The following PER1 variants were observed in gnomAD, a reference collection of about 807,000 sequenced individuals.
PER1 encodes the protein period circadian protein homolog 1.
A neutral mutation model predicts 125.9 loss-of-function variants in PER1; 87 were observed. The observed-to-expected ratio is 0.69, with a 90% CI of 0.58 to 0.83. PER1 has a LOEUF of 0.83. Among genes scored for constraint, PER1 ranks in the 40% least tolerant of loss-of-function variants. The pLI is 0.00. For missense variants in PER1, 1,775 were observed against 1,722.8 expected (o/e 1.03, Z -0.54); for synonymous variants, 801 against 714.7 (o/e 1.12, Z -1.93).
At position 8,145,249 on chromosome 17, in the gene PER1, C is replaced by T. The variant is rs1322706103; in HGVS notation, c.2219-256G>A. 1.1e-5 allele frequency: 4 copies of T among 372,150 alleles called. No homozygotes were observed. The East Asian group carries it at 1.5e-4, about 14-fold the overall frequency. The allele number at this position is 372,150 out of a possible 1,614,324, so 23.1% of individuals were successfully genotyped here. A position where few individuals can be genotyped will look rare whatever the true frequency, so the allele number is the denominator to read the frequency against. ...TGGCCACTCCCTGCCAGGAACTCTACTGGGATGACCCCGTCACAACTCTCA... is the reference window on the plus strand; with the variant it reads ...TGGCCACTCCCTGCCAGGAACTCTATTGGGATGACCCCGTCACAACTCTCA... On this transcript the variant is annotated intron_variant, in intron 17 of 22. Coordinates refer to ENST00000317276, the MANE Select transcript of PER1 (RefSeq NM_002616.3).
At position 8,149,327 on chromosome 17, in the gene PER1, A is replaced by G; in HGVS notation, c.854-17T>C. ...GGCCTGAACCTGGGACAGACAGGAG[A>G]GGAGTGAGCACAGCTTCCTGCCCCT... On this transcript the variant is annotated splice_polypyrimidine_tract_variant and intron_variant, in intron 6 of 22. Coordinates refer to ENST00000317276, the MANE Select transcript of PER1 (RefSeq NM_002616.3). 1 of 1,613,682 alleles carries G rather than the reference A, an allele frequency of 6.2e-7. No homozygotes were observed. The highest frequency in any genetic ancestry group is 8.5e-7 in the Non-Finnish European group (1 of 1,179,708).
At chr17:8,143,925 C>T in intron 18 of PER1, 49 bp from the exon 19 acceptor site, 4 of 1,551,918 alleles carry the variant, frequency 2.6e-6, no homozygotes, top group Non-Finnish European at 3.5e-6. Flanking sequence ...GGGGTTAGTA[C>T]CCCTGCTACC....
chr17:8,148,373 G>A (rs966301473), intron 8 of PER1, 114 bp from the exon 9 acceptor site: 3 of 922,626 alleles, frequency 3.3e-6, no homozygotes, highest in Non-Finnish European at 5.1e-6. Context: ...TCTGCCCCGG[G>A]CACTATGGGC....
Position 8,141,900 on chromosome 17 carries a change from G to A in PER1, c.3505C>T (p.Gln1169Ter). The change falls in exon 22 of 23, where the codon CAG (glutamine) becomes TAG (stop). Residue 1169 changes from glutamine to a stop codon, truncating the protein, a stop_gained. Coordinates refer to ENST00000317276, the MANE Select transcript of PER1 (RefSeq NM_002616.3). LOFTEE classifies it high-confidence loss of function. ...TGGTCCTCAGAAAACCGAGGCTGCT[G>A]CTTCTGCATGGCTCGGAGCCGCTCC... is the stretch of plus-strand genomic sequence containing the variant. ...DRERLRAMQK[Q>*]QPRFSEDQRR... The A allele has an allele frequency of 6.2e-7, 1 of 1,614,146 alleles. No individual in the cohort carries two copies. The highest frequency in any genetic ancestry group is 8.5e-7 in the Non-Finnish European group (1 of 1,180,034).
Position 8,149,859 on chromosome 17 carries a change from G to A in PER1, c.547C>T (p.Gln183Ter), listed in dbSNP as rs749068406. The change falls in exon 5 of 23, where the codon CAG (glutamine) becomes TAG (stop). Residue 183 changes from glutamine (Q) to a stop codon, truncating the protein, a stop_gained. Transcript: ENST00000317276. LOFTEE classifies it high-confidence loss of function. ...TCGCCCTCCTCCAGGCTCCACTGCT[G>A]GTAGTATTCCTGGTTGGCTGCAGAG... ...KQVQANQEYY[Q>*]QWSLEEGEPC... The A allele has an allele frequency of 6.2e-7, 1 of 1,614,150 alleles. No homozygotes were observed. The highest frequency in any genetic ancestry group is 8.5e-7 in the Non-Finnish European group (1 of 1,180,034).
chr17:8,144,767 T>C lies in PER1; in HGVS notation c.2445A>G (p.Ser815=). ...GGTGGCTACCTCGCTCGCCAAGGGC[T>C]GAGGGAGCTGTGGAAGAGCTGTCGA... is the stretch of plus-strand genomic sequence containing the variant. The part of the protein sequence containing the change: ...RGLDSSSTAP[S]ALGERGCHHG... The change falls in exon 18 of 23, where the codon TCA becomes TCG. Residue 815 remains serine, a synonymous_variant. Coordinates refer to ENST00000317276, the MANE Select transcript of PER1 (RefSeq NM_002616.3). The C allele has an allele frequency of 1.3e-6, 2 of 1,576,416 alleles. No homozygotes were observed.
At chr17:8,142,163 G>A (rs2151858950) in intron 21 of PER1, 106 bp downstream of exon 21, 1 of 1,125,254 alleles carries the variant, frequency 8.9e-7, no homozygotes, top group Non-Finnish European at 1.3e-6. Flanking sequence ...CAGGAAGAAA[G>A]ATAGAAACGT....
Position 8,149,681 on chromosome 17 carries a change from GCAAGAGCAGATT to G in PER1, c.652-30_652-19del. 1 of 1,610,432 alleles carries G rather than the reference GCAAGAGCAGATT, an allele frequency of 6.2e-7. No homozygotes were observed. The highest frequency in any genetic ancestry group is 8.5e-7 in the Non-Finnish European group (1 of 1,176,984). Reference sequence around the variant, plus strand: ...AAGGTATCCTGGCAGGAGGGGGAGAGCAAGAGCAGATTCAAGAGCTGTGGGAGAAGGAGTAGG... The same window carrying G: ...AAGGTATCCTGGCAGGAGGGGGAGAGCAAGAGCTGTGGGAGAAGGAGTAGG... On this transcript the variant is annotated intron_variant, in intron 5 of 22. Coordinates refer to ENST00000317276, the MANE Select transcript of PER1 (RefSeq NM_002616.3).
Position 8,150,073 on chromosome 17 carries a change from G to A in PER1, c.427C>T (p.Arg143Ter), listed in dbSNP as rs796874467. 2.5e-6 allele frequency: 4 copies of A among 1,614,090 alleles called. No homozygotes were observed. Among genetic ancestry groups the A allele is most frequent in the Non-Finnish European group, 3.4e-6 (4 of 1,180,038 alleles). ...RTQKELMTAL[R>*]ELKLRLPPER... Reference sequence around the variant, plus strand: ...GGCGGCAGTCGAAGCTTGAGCTCTCGAAGTGCTGTCATGAGTTCCTTCTGA... The same window carrying A: ...GGCGGCAGTCGAAGCTTGAGCTCTCAAAGTGCTGTCATGAGTTCCTTCTGA... Residue 143 changes from arginine (R) to a stop codon, truncating the protein, a stop_gained, in exon 4 of 23, where the codon CGA becomes TGA. Transcript: ENST00000317276. LOFTEE classifies it high-confidence loss of function.
In PER1 at chr17:8,147,455, C is replaced by G. The variant is rs885953; in HGVS notation, c.1497+15G>C. ...CCTTTTCTCACCTCCCAGGCTCCCT[C>G]TCCGCTACTCTCACCTGCAGCAGCA... On this transcript the variant is annotated intron_variant, in intron 12 of 22. Transcript: ENST00000317276. The G allele has an allele frequency of 6.2e-7, 1 of 1,613,066 alleles. No homozygotes were observed. The highest frequency in any genetic ancestry group is 2.2e-5 in the East Asian group (1 of 44,854).
Position 8,147,332 on chromosome 17 carries a change from G to T in PER1, c.1547C>A (p.Thr516Lys). The change falls in exon 13 of 23, where the codon ACA (threonine) becomes AAA (lysine). Residue 516 changes from threonine to lysine, a missense_variant. Transcript: ENST00000317276. ...PTGLCGVGAVTSPGPLHSPGS... is the reference protein window; with the variant it reads ...PTGLCGVGAVKSPGPLHSPGS... ...AGGGCTGTGGAGAGGGCCTGGGGAT[G>T]TCACGGCGCCGACTCCACAGAGTCC... 1 of 1,613,668 alleles carries T rather than the reference G, an allele frequency of 6.2e-7. No individual in the cohort carries two copies.
In PER1 at chr17:8,149,850, TC is replaced by T; in HGVS notation, c.555del (p.Trp185Ter). The T allele has an allele frequency of 1.2e-6, 2 of 1,614,080 alleles. No individual in the cohort carries two copies. Among genetic ancestry groups the T allele is most frequent in the Non-Finnish European group, 1.7e-6 (2 of 1,180,022 alleles). On this transcript the variant is annotated frameshift_variant, in exon 5 of 23. Coordinates refer to ENST00000317276, the MANE Select transcript of PER1 (RefSeq NM_002616.3). LOFTEE classifies it high-confidence loss of function. ...VQANQEYYQQ[W>X]SLEEGEPCSM... is the part of the protein sequence containing the mutation. The stretch of plus-strand genomic sequence containing the variant: ...GAGCAAGGCTCGCCCTCCTCCAGGC[TC>T]CACTGCTGGTAGTATTCCTGGTTGG...
In PER1 at chr17:8,143,681, A is replaced by T; in HGVS notation, c.2657T>A (p.Leu886His). ...GCCTCCTCGAGGAGAGAACACTGGG[A>T]GAGGGTAGGGCTGGACAACCGCTGG... ...PFPAVVQPYP[L>H]PVFSPRGGPQ... Residue 886 changes from leucine to histidine, a missense_variant, in exon 19 of 23, where the codon CTC becomes CAC. Leu to His is a moderately conservative substitution (Grantham distance 99). Transcript: ENST00000317276. 1 of 1,323,296 alleles carries T rather than the reference A, an allele frequency of 7.6e-7. No individual in the cohort carries two copies. Among genetic ancestry groups the T allele is most frequent in the Non-Finnish European group, 9.8e-7 (1 of 1,023,204 alleles). The allele number at this position is 1,323,296 out of a possible 1,614,324, so 82.0% of individuals were successfully genotyped here.
At position 8,141,059 on chromosome 17, in the gene PER1, G is replaced by C. The variant is rs1256692255; in HGVS notation, c.*9C>G. 13 of 1,606,024 alleles carry C rather than the reference G, an allele frequency of 8.1e-6. No individual in the cohort carries two copies. The highest frequency in any genetic ancestry group is 1.1e-5 in the Non-Finnish European group (13 of 1,174,678). ...TCATGGACTCCTGGAGATGGTCCCA[G>C]AATGGAGTCTAGCTGGTGCAGTTTC... On this transcript the variant is annotated 3_prime_UTR_variant, in exon 23 of 23. Coordinates refer to ENST00000317276, the MANE Select transcript of PER1 (RefSeq NM_002616.3).
Position 8,143,558 on chromosome 17 carries a change from A to G in PER1, c.2780T>C (p.Leu927Pro). Reference protein sequence around the residue: ...PMVALVLPNYLFPTPSSYPYG... With the variant: ...PMVALVLPNYPFPTPSSYPYG... ...AGGATAGCTGGATGGGGTTGGGAACAGATAGTTAGGGAGCACCAAGGCCAC... is the reference window on the plus strand; with the variant it reads ...AGGATAGCTGGATGGGGTTGGGAACGGATAGTTAGGGAGCACCAAGGCCAC... Residue 927 changes from leucine (L) to proline (P), a missense_variant, in exon 19 of 23, where the codon CTG becomes CCG. Leu to Pro is a moderately conservative substitution (Grantham distance 98). Transcript: ENST00000317276. 1 of 1,484,308 alleles carries G rather than the reference A, an allele frequency of 6.7e-7. No homozygotes were observed. 91.9% of individuals were successfully genotyped at this position (1,484,308 alleles called of 1,614,324 possible). A position where few individuals can be genotyped will look rare whatever the true frequency, so the allele number is the denominator to read the frequency against.
chr17:8,145,886 G>A lies in PER1; in HGVS notation c.2218+72C>T, dbSNP rs1982399817. 3.3e-5 allele frequency: 50 copies of A among 1,498,736 alleles called. No homozygotes were observed. The East Asian group carries it at 1.2e-3, about 36-fold the overall frequency. 92.8% of individuals were successfully genotyped at this position (1,498,736 alleles called of 1,614,324 possible). A position where few individuals can be genotyped will look rare whatever the true frequency, so the allele number is the denominator to read the frequency against. On this transcript the variant is annotated intron_variant, in intron 17 of 22. Transcript: ENST00000317276. ...CTCCATCAGGCCCTAGAGGGGAGGG[G>A]AAAGGCAGGAGGGAGCTCTAGCTGG...
Position 8,144,887 on chromosome 17 carries a change from T to C in PER1, c.2325A>G (p.Pro775=), listed in dbSNP as rs770363612. The C allele has an allele frequency of 4.6e-5, 72 of 1,566,266 alleles. No individual in the cohort carries two copies. The South Asian group carries it at 8.3e-4, about 18-fold the overall frequency. ...APDPAPDAYR[P]VGLTKAVLSL... ...ACAGCACGGCCTTGGTCAGCCCCAC[T>C]GGACGGTAGGCGTCTGGGGCTGGGT... Residue 775 remains proline (P), a synonymous_variant, in exon 18 of 23, where the codon CCA becomes CCG. Transcript: ENST00000317276.
intron 17 of PER1, 108 bp downstream of exon 17, chr17:8,145,850 G>T: frequency 7.9e-7 from 1 of 1,270,970 alleles, no homozygotes; most frequent in Non-Finnish European, 1.1e-6. Flanking sequence ...GGTCAAGGGA[G>T]GCCTCCTTCT....
Position 8,143,702 on chromosome 17 carries a change from G to T in PER1, c.2636C>A (p.Ala879Glu). The T allele has an allele frequency of 6.6e-7, 1 of 1,506,032 alleles. No individual in the cohort carries two copies. The highest frequency in any genetic ancestry group is 8.9e-7 in the Non-Finnish European group (1 of 1,120,192). 93.3% of individuals were successfully genotyped at this position (1,506,032 alleles called of 1,614,324 possible). Residue 879 changes from alanine (A) to glutamate (E), a missense_variant, in exon 19 of 23, where the codon GCG (alanine) becomes GAG (glutamate). Ala to Glu is a moderately radical substitution (Grantham distance 107, BLOSUM62 -1). Transcript: ENST00000317276. ...TGGGAGAGGGTAGGGCTGGACAACCGCTGGGAAGGGGGTAGTGGCTGGTGG... is the reference window on the plus strand; with the variant it reads ...TGGGAGAGGGTAGGGCTGGACAACCTCTGGGAAGGGGGTAGTGGCTGGTGG... Reference protein sequence around the residue: ...PTPPATTPFPAVVQPYPLPVF... With the variant: ...PTPPATTPFPEVVQPYPLPVF...
Sources: allele counts gnomAD v4.1 joint callset, GRCh38; gene constraint gnomAD v4.1.1; transcripts MANE v1.5; gene names NCBI Gene and HGNC (gene_info 2026-07-23, HGNC 2026-07-21).